NRG1: variants seen among roughly 807,000 people sequenced by gnomAD.
NRG1 encodes the protein pro-neuregulin-1, membrane-bound isoform.
In NRG1, 18 loss-of-function variants were observed where a neutral mutation model predicts 63.8. The ratio of observed to expected loss-of-function variants is 0.28; its 90% CI spans 0.19 to 0.42. The LOEUF (loss-of-function observed/expected upper bound fraction) is 0.42. Ranked by LOEUF, NRG1 falls within the 10% of genes least tolerant of loss-of-function variation. The pLI is 1.00. For synonymous variants in NRG1, 302 were observed against 301.3 expected (o/e 1.00, Z -0.02); for missense variants, 762 against 814.7 (o/e 0.94, Z 0.79).
At chr8:32,558,765 T>A (rs186029061) in intron 1 of NRG1, among the ~76,000 whole-genome samples, 91 of 152,250 alleles carry the variant, frequency 6.0e-4, no homozygotes, top group African/African-American at 2.2e-3. Flanking sequence ...TGCTGAGTAA[T>A]CCTGTTGCTC....
At chr8:32,215,438 T>C (rs1295697283) in intron 1 of NRG1, among the ~76,000 whole-genome samples, 2 of 152,162 alleles carry the variant, frequency 1.3e-5, no homozygotes, top group African/African-American at 4.8e-5. Flanking sequence ...CCACGTGCTA[T>C]GGTTTACACC....
intron 5 of NRG1, among the ~76,000 whole-genome samples, chr8:32,631,068 A>G (rs1343141834): frequency 6.6e-6 from 1 of 152,178 alleles, no homozygotes; most frequent in Non-Finnish European, 1.5e-5. Flanking sequence ...CAAACACACA[A>G]TTAATTATAT....
chr8:32,397,814 G>T (rs1812637925), intron 1 of NRG1, among the ~76,000 whole-genome samples: 1 of 152,126 alleles, frequency 6.6e-6, no homozygotes, highest in African/African-American at 2.4e-5. Context: ...TAAATTACAT[G>T]AAAGCAAGTT....
chr8:32,010,727 T>C (rs551484833), intron 1 of NRG1, among the ~76,000 whole-genome samples: 5 of 152,238 alleles, frequency 3.3e-5, no homozygotes, highest in African/African-American at 1.2e-4. Flanking sequence ...ATTTGTTTTA[T>C]CTGAAAATAA....
chr8:31,846,840 A>T (rs1435642655), intron 1 of NRG1, among the ~76,000 whole-genome samples: 1 of 152,216 alleles, frequency 6.6e-6, no homozygotes, highest in Non-Finnish European at 1.5e-5. Flanking sequence ...GTGAGGCTGA[A>T]GAAATTCTAT....
intron 5 of NRG1, among the ~76,000 whole-genome samples, chr8:32,649,213 C>T (rs538918749): frequency 2.4e-4 from 35 of 143,226 alleles, no homozygotes; most frequent in Non-Finnish European, 3.6e-4. Flanking sequence ...CAGATTGCAG[C>T]GGCCCAGTTT....
chr8:31,639,571 C>T (rs1430026943), intron 1 of NRG1: 1 of 1,433,136 alleles, frequency 7.0e-7, no homozygotes, highest in Non-Finnish European at 9.3e-7. Context: ...GCCGCCGCAG[C>T]ATCACTTCAC....
rs562163605 is a variant in NRG1, at chr8:32,451,880, C to T, written c.38-143948C>T. ...TTGCTCTGTCGCCCAGGCTAGAGTG[C>T]AGTGGTATGATGTTGGCTCACTGCA... On this transcript the variant is annotated intron_variant, in intron 1 of 10. Transcript: ENST00000519301. Among the ~76,000 whole-genome samples, 53 of 152,272 alleles carry T rather than the reference C, an allele frequency of 3.5e-4. 1 individual carries two copies. The South Asian group carries it at 7.1e-3, about 20-fold the overall frequency.
intron 1 of NRG1, among the ~76,000 whole-genome samples, chr8:31,663,469 G>A (rs1441867036): frequency 6.6e-6 from 1 of 152,068 alleles, no homozygotes. Flanking sequence ...TTTTTTGGGA[G>A]CCCATTATGT....
intron 1 of NRG1, among the ~76,000 whole-genome samples, chr8:32,198,217 C>G (rs1787756708): frequency 6.6e-6 from 1 of 152,028 alleles, no homozygotes; most frequent in Admixed American, 6.6e-5. Context: ...TCACCCTGTC[C>G]CACAGACTGG....
chr8:32,454,962 G>C (rs1311984855), intron 1 of NRG1, among the ~76,000 whole-genome samples: 7 of 152,038 alleles, frequency 4.6e-5, no homozygotes, highest in Non-Finnish European at 2.9e-5. Context: ...ACTTATCCTT[G>C]TATTACGGTT....
At chr8:31,776,898 C>T (rs1819200726) in intron 1 of NRG1, among the ~76,000 whole-genome samples, 2 of 152,126 alleles carry the variant, frequency 1.3e-5, no homozygotes. Context: ...ATAGTAACAG[C>T]AGGTTCTGGA....
intron 1 of NRG1, among the ~76,000 whole-genome samples, chr8:32,564,926 C>T (rs1408816631): frequency 6.6e-6 from 1 of 151,842 alleles, no homozygotes; most frequent in Non-Finnish European, 1.5e-5. Context: ...AAAAGTTAGC[C>T]AGTTATAATG....
At chr8:31,654,417 C>T (rs751027385) in intron 1 of NRG1, among the ~76,000 whole-genome samples, 3 of 152,326 alleles carry the variant, frequency 2.0e-5, no homozygotes, top group Non-Finnish European at 4.4e-5. Context: ...GTCTTTAAAA[C>T]ATTTTATTAA....
intron 1 of NRG1, among the ~76,000 whole-genome samples, chr8:31,821,485 G>T (rs554104907): frequency 6.6e-6 from 1 of 152,234 alleles, no homozygotes; most frequent in African/African-American, 2.4e-5. Flanking sequence ...CTGAGTTTAA[G>T]ATCTTTTTCT....
chr8:32,505,565 G>A (rs1828411494), intron 1 of NRG1, among the ~76,000 whole-genome samples: 1 of 152,176 alleles, frequency 6.6e-6, no homozygotes, highest in Non-Finnish European at 1.5e-5. Flanking sequence ...CCCAGAGAGG[G>A]TGCAGAAGAC....
intron 5 of NRG1, among the ~76,000 whole-genome samples, chr8:32,620,271 A>AT (rs1848093128): frequency 6.6e-6 from 1 of 152,168 alleles, no homozygotes; most frequent in South Asian, 2.1e-4. Flanking sequence ...TTCTAATGTG[A>AT]TTGTGCCTGT....
intron 1 of NRG1, among the ~76,000 whole-genome samples, chr8:31,989,849 T>C (rs1810755947): frequency 6.6e-6 from 1 of 152,080 alleles, no homozygotes; most frequent in African/African-American, 2.4e-5. Context: ...GGAATTTCTC[T>C]TGCTTGTTGA....
intron 1 of NRG1, among the ~76,000 whole-genome samples, chr8:32,264,790 G>T (rs1273786135): frequency 1.3e-5 from 2 of 151,980 alleles, no homozygotes; most frequent in Non-Finnish European, 2.9e-5. Flanking sequence ...TCTATTAGTG[G>T]TTCCAATACT....
Sources: allele counts gnomAD v4.1 joint callset (sites outside exome capture counted in the v4.1 genomes callset), GRCh38; gene constraint gnomAD v4.1.1; transcripts MANE v1.5; gene names NCBI Gene and HGNC (gene_info 2026-07-23, HGNC 2026-07-21).